The following DSCAM variants were observed in gnomAD, a reference collection of about 807,000 sequenced individuals.
DSCAM encodes DS cell adhesion molecule.
A neutral mutation model predicts 217.7 loss-of-function variants in DSCAM; 47 were observed. The ratio of observed to expected loss-of-function variants is 0.22; its 90% CI spans 0.17 to 0.28. The LOEUF is 0.28. DSCAM is among the 10% of genes least tolerant of loss of function. The pLI is 1.00. For synonymous variants in DSCAM, 1,056 were observed against 1,015.3 expected, an observed-to-expected ratio of 1.04 and a Z score of -0.76; for missense variants, 2,080 against 2,618.3, an observed-to-expected ratio of 0.79 and a Z score of 4.49.
At chr21:40,175,801 A>G (rs866812040) in intron 15 of DSCAM, among the ~76,000 whole-genome samples, 1,360 of 110,030 alleles carry the variant, frequency 0.012, 25 homozygotes, top group African/African-American at 0.04. Context: ...ACACACACAC[A>G]CACACACGCA....
rs369156359 is a variant in DSCAM, at chr21:40,512,288, C to G, written c.509-143043G>C. On this transcript the variant is annotated intron_variant, in intron 3 of 32. Coordinates refer to ENST00000400454, the MANE Select transcript of DSCAM (RefSeq NM_001389.5). Reference sequence around the variant, plus strand: ...TCTTTCATATCTGTTATTCCACAAACACTGACTTCACACCTACTCTGGGAA... The same window carrying G: ...TCTTTCATATCTGTTATTCCACAAAGACTGACTTCACACCTACTCTGGGAA... 4.7e-4 allele frequency among the ~76,000 whole-genome samples: 72 copies of G among 152,258 alleles called. 1 individual carries two copies. In the South Asian group the frequency reaches 0.014, roughly 30 times the overall value.
chr21:40,763,177 T>C (rs1280765728), intron 1 of DSCAM, among the ~76,000 whole-genome samples: 1 of 152,060 alleles, frequency 6.6e-6, no homozygotes, highest in Non-Finnish European at 1.5e-5. Context: ...ACGACATGAT[T>C]GTATATTTAG....
At chr21:40,308,030 A>G (rs1385329970) in intron 9 of DSCAM, among the ~76,000 whole-genome samples, 2 of 152,004 alleles carry the variant, frequency 1.3e-5, no homozygotes, top group Admixed American at 1.3e-4. Flanking sequence ...ACATGTATAC[A>G]TATGTAACTA....
intron 32 of DSCAM, among the ~76,000 whole-genome samples, chr21:40,041,233 GAAACA>G (rs2146474181): frequency 6.6e-6 from 1 of 152,254 alleles, no homozygotes; most frequent in South Asian, 2.1e-4. Context: ...GGTAAAATGA[GAAACA>G]AAACTGGATT....
intron 3 of DSCAM, among the ~76,000 whole-genome samples, chr21:40,531,171 G>A (rs983664295): frequency 1.3e-5 from 2 of 152,116 alleles, no homozygotes; most frequent in Non-Finnish European, 2.9e-5. Context: ...AACCACCAAG[G>A]CTTGCAGGAC....
chr21:40,602,223 G>A (rs961705187), intron 3 of DSCAM, among the ~76,000 whole-genome samples: 5 of 151,908 alleles, frequency 3.3e-5, no homozygotes, highest in African/African-American at 1.2e-4. Flanking sequence ...TCCATGCTCA[G>A]ATAATTATTT....
At chr21:40,838,718 C>A (rs1337852203) in intron 1 of DSCAM, among the ~76,000 whole-genome samples, 3 of 152,194 alleles carry the variant, frequency 2.0e-5, no homozygotes, top group Admixed American at 6.5e-5. Flanking sequence ...AAATTTCTTT[C>A]CATCACCTTA....
At chr21:40,274,814 AC>A (rs2123376297) in intron 11 of DSCAM, among the ~76,000 whole-genome samples, 1 of 152,282 alleles carries the variant, frequency 6.6e-6, no homozygotes, top group South Asian at 2.1e-4. Flanking sequence ...ATAAATAAAC[AC>A]TTGGATTTTT....
At chr21:40,575,633 A>G (rs1015981972) in intron 3 of DSCAM, among the ~76,000 whole-genome samples, 1 of 152,216 alleles carries the variant, frequency 6.6e-6, no homozygotes, top group Non-Finnish European at 1.5e-5. Flanking sequence ...TGTTAAAATT[A>G]ACTAGAGAAA....
intron 3 of DSCAM, among the ~76,000 whole-genome samples, chr21:40,597,482 CT>C (rs2077029981): frequency 1.3e-5 from 1 of 75,424 alleles, no homozygotes; most frequent in African/African-American, 5.5e-5. Flanking sequence ...TTTAACCTAT[CT>C]TTTTTACAGT....
At chr21:40,652,543 C>G (rs546786034) in intron 3 of DSCAM, among the ~76,000 whole-genome samples, 1 of 152,194 alleles carries the variant, frequency 6.6e-6, no homozygotes, top group Admixed American at 6.5e-5. Context: ...GAGTCAAGGA[C>G]CTATCCACAG....
At chr21:40,508,755 A>T (rs1568862792) in intron 3 of DSCAM, among the ~76,000 whole-genome samples, 6 of 3,768 alleles carry the variant, frequency 1.6e-3, no homozygotes, top group African/African-American at 8.2e-3. Context: ...ATATATATAT[A>T]TATATATATA....
chr21:40,212,440 T>TCTCA lies in DSCAM; in HGVS notation c.2357-23206_2357-23203dup, dbSNP rs141045329. 1,116 of 154,348 alleles carry TCTCA rather than the reference T, an allele frequency of 7.2e-3. 11 individuals carry two copies. Among genetic ancestry groups the TCTCA allele is most frequent in the Middle Eastern group, 0.02 (38 of 1,924 alleles). 9.6% of individuals were successfully genotyped at this position (154,348 alleles called of 1,614,324 possible). On this transcript the variant is annotated intron_variant, in intron 11 of 32. Coordinates refer to ENST00000400454, the MANE Select transcript of DSCAM (RefSeq NM_001389.5). ...AATCTAAACACCATGGCAGCCCTGG[T>TCTCA]CTCAGCCTTACCTCTGCAGTCTAGT...
chr21:40,252,901 G>A (rs1282351406), intron 11 of DSCAM, among the ~76,000 whole-genome samples: 3 of 152,224 alleles, frequency 2.0e-5, no homozygotes, highest in African/African-American at 7.2e-5. Flanking sequence ...AGAGTGCTAA[G>A]GCTCGAGTTG....
intron 11 of DSCAM, among the ~76,000 whole-genome samples, chr21:40,211,509 A>G (rs1027070393): frequency 2.0e-5 from 3 of 152,230 alleles, no homozygotes. Flanking sequence ...CCAGCAATGC[A>G]TGAGAGATCC....
intron 14 of DSCAM, among the ~76,000 whole-genome samples, chr21:40,185,240 T>A (rs867558899): frequency 2.6e-5 from 4 of 151,448 alleles, no homozygotes; most frequent in South Asian, 2.1e-4. Flanking sequence ...ATGGAGGGGG[T>A]AGTAACTGGG....
At chr21:40,360,257 C>G (rs149702095) in intron 4 of DSCAM, among the ~76,000 whole-genome samples, 2,084 of 151,250 alleles carry the variant, frequency 0.014, 52 homozygotes, top group African/African-American at 0.048. Flanking sequence ...CTTAGCCTCC[C>G]GAGTAGCTGG....
intron 1 of DSCAM, among the ~76,000 whole-genome samples, chr21:40,788,397 A>G (rs569759857): frequency 5.9e-5 from 9 of 152,270 alleles, no homozygotes; most frequent in Admixed American, 5.2e-4. Context: ...CTTTTTTTTA[A>G]TGAGAAAAAT....
intron 3 of DSCAM, among the ~76,000 whole-genome samples, chr21:40,626,417 A>G (rs969380003): frequency 2.8e-4 from 42 of 152,064 alleles, no homozygotes; most frequent in Admixed American, 2.6e-4. Context: ...CGTACTCCCC[A>G]TCTCTAGTAG....
Sources: allele counts gnomAD v4.1 joint callset (sites outside exome capture counted in the v4.1 genomes callset), GRCh38; gene constraint gnomAD v4.1.1; transcripts MANE v1.5; gene names NCBI Gene and HGNC (gene_info 2026-07-23, HGNC 2026-07-21).